The following SND1 variants were observed in gnomAD, a reference collection of about 807,000 sequenced individuals.
The protein encoded by SND1 is staphylococcal nuclease and tudor domain containing 1.
A neutral mutation model predicts 121.7 loss-of-function variants in SND1; 38 were observed. The ratio of observed to expected loss-of-function variants is 0.31; its 90% confidence interval spans 0.24 to 0.41. The LOEUF (loss-of-function observed/expected upper bound fraction) is 0.41. Ranked by LOEUF, SND1 falls within the 10% of genes least tolerant of loss-of-function variation. The pLI is 1.00. For synonymous variants in SND1, 401 were observed against 447.4 expected, an observed-to-expected ratio of 0.90 and a Z score of 1.31; for missense variants, 868 against 1,184.6, an observed-to-expected ratio of 0.73 and a Z score of 3.92.
At chr7:127,726,581 A>C (rs1796586681) in intron 10 of SND1, among the ~76,000 whole-genome samples, 1 of 152,210 alleles carries the variant, frequency 6.6e-6, no homozygotes, top group South Asian at 2.1e-4. Flanking sequence ...TTGCGATCTC[A>C]GGACTTCCTA....
chr7:128,074,436 C>T, intron 16 of SND1, 66 bp from the exon 17 acceptor site: 1 of 1,499,786 alleles, frequency 6.7e-7, no homozygotes, highest in South Asian at 1.3e-5. Context: ...CTGTCCTCCC[C>T]ACGGGCACAG....
Position 127,850,083 on chromosome 7 carries a change from A to G in SND1, c.1343+5659A>G, listed in dbSNP as rs17151437. 4.5e-3 allele frequency among the ~76,000 whole-genome samples: 686 copies of G among 152,312 alleles called. 7 individuals are homozygous for G. The highest frequency in any genetic ancestry group is 0.016 in the African/African-American group (654 of 41,562). ...TTGCTTTTGCTTTTTCTTTGGTTCT[A>G]ATTTGCAGGGATACTTTTTTTCTCC... is the stretch of plus-strand genomic sequence containing the variant. On this transcript the variant is annotated intron_variant, in intron 12 of 23. Transcript: ENST00000354725.
chr7:127,782,035 T>G (rs1462222333), intron 10 of SND1, among the ~76,000 whole-genome samples: 3 of 152,354 alleles, frequency 2.0e-5, no homozygotes, highest in Non-Finnish European at 2.9e-5. Flanking sequence ...GATCAAGCTG[T>G]AATATCTGAT....
intron 1 of SND1, among the ~76,000 whole-genome samples, chr7:127,679,516 A>G (rs1416069974): frequency 6.6e-6 from 1 of 152,154 alleles, no homozygotes; most frequent in Non-Finnish European, 1.5e-5. Flanking sequence ...TACTACAATC[A>G]TGTAACAATC....
intron 13 of SND1, among the ~76,000 whole-genome samples, chr7:127,898,017 G>T (rs1268996757): frequency 6.6e-6 from 1 of 152,004 alleles, no homozygotes; most frequent in African/African-American, 2.4e-5. Flanking sequence ...CTACTACCCA[G>T]CTCTAATAAT....
intron 16 of SND1, among the ~76,000 whole-genome samples, chr7:128,001,937 C>CA (rs966731607): frequency 3.0e-4 from 45 of 150,126 alleles, no homozygotes; most frequent in Admixed American, 7.9e-4. Flanking sequence ...ATCTCAAAAA[C>CA]AAAAAAAAAT....
chr7:127,786,691 T>A (rs925219892), intron 10 of SND1, among the ~76,000 whole-genome samples: 1 of 152,192 alleles, frequency 6.6e-6, no homozygotes, highest in Non-Finnish European at 1.5e-5. Flanking sequence ...TCGCCCAGGC[T>A]GGAGTGCAGT....
chr7:128,044,982 G>T (rs1403469334), intron 16 of SND1, among the ~76,000 whole-genome samples: 4 of 152,042 alleles, frequency 2.6e-5, no homozygotes, highest in African/African-American at 9.7e-5. Flanking sequence ...CAGATTACAG[G>T]GTCTGTCTGA....
intron 16 of SND1, among the ~76,000 whole-genome samples, chr7:127,995,452 A>G (rs943910619): frequency 5.3e-5 from 8 of 152,238 alleles, no homozygotes; most frequent in Non-Finnish European, 1.0e-4. Flanking sequence ...TATTACTAGC[A>G]TCCCCCAGAA....
At chr7:128,051,119 C>G (rs1394666468) in intron 16 of SND1, among the ~76,000 whole-genome samples, 1 of 152,204 alleles carries the variant, frequency 6.6e-6, no homozygotes, top group Admixed American at 6.5e-5. Context: ...TCCAGAGCTT[C>G]CCACAGCTTC....
Position 128,085,777 on chromosome 7 carries a change from C to T in SND1, c.2301C>T (p.Gly767=), listed in dbSNP as rs1384497426. 6.2e-7 allele frequency: 1 copy of T among 1,613,834 alleles called. No individual in the cohort carries two copies. Among genetic ancestry groups the T allele is most frequent in the East Asian group, 2.2e-5 (1 of 44,876 alleles). Residue 767 remains glycine, a synonymous_variant, in exon 20 of 24, where the codon GGC becomes GGT. Transcript: ENST00000354725. This position sits in a 1 kb window ranked among gnomAD's most constrained non-coding sequence, Gnocchi z 4.4. ...AKIHVFYIDY[G]NREVLPSTRL... ...TACATGTCTTCTACATTGACTACGG[C>T]AACGTGAGTGTTGGGGACCAGAGTG...
chr7:127,722,853 A>G (rs772956714), intron 10 of SND1, among the ~76,000 whole-genome samples: 5 of 152,120 alleles, frequency 3.3e-5, no homozygotes, highest in Non-Finnish European at 7.3e-5. Flanking sequence ...AGCAAACAGT[A>G]TTATGGTAAG....
intron 14 of SND1, among the ~76,000 whole-genome samples, chr7:127,905,931 A>G (rs1017440764): frequency 3.9e-5 from 6 of 152,162 alleles, no homozygotes; most frequent in African/African-American, 1.2e-4. Flanking sequence ...GGAGAGATGA[A>G]TCAGAGTGTA....
intron 1 of SND1, among the ~76,000 whole-genome samples, chr7:127,662,177 C>T (rs1378775769): frequency 6.6e-6 from 1 of 152,112 alleles, no homozygotes; most frequent in Non-Finnish European, 1.5e-5. Context: ...CATTCATTCT[C>T]ATCCTCCCAG....
intron 10 of SND1, among the ~76,000 whole-genome samples, chr7:127,743,370 T>C (rs1033260612): frequency 6.6e-6 from 1 of 152,234 alleles, no homozygotes; most frequent in African/African-American, 2.4e-5. Flanking sequence ...TGAAGGCTTC[T>C]CCTCAGGCAG....
rs117318249 is a variant in SND1, at chr7:127,751,928, C to T, written c.1152+30528C>T. On this transcript the variant is annotated intron_variant, in intron 10 of 23. Coordinates refer to ENST00000354725, the MANE Select transcript of SND1 (RefSeq NM_014390.4). ...AGCTGACTGCTCGCGGGAGCATTAC[C>T]TGGTGTGCAGCTGTTGCCTGAATCC... Among the ~76,000 whole-genome samples the T allele has an allele frequency of 5.3e-5, 8 of 152,340 alleles. No homozygotes were observed. The East Asian group carries it at 1.5e-3, about 29-fold the overall frequency.
chr7:127,708,084 C>T (rs1259994003), intron 9 of SND1, among the ~76,000 whole-genome samples: 1 of 152,074 alleles, frequency 6.6e-6, no homozygotes, highest in Non-Finnish European at 1.5e-5. Context: ...TTCTGTTTAT[C>T]ACTTTTGGTC....
chr7:128,079,377 C>T (rs1379912452), intron 17 of SND1, among the ~76,000 whole-genome samples: 1 of 152,392 alleles, frequency 6.6e-6, no homozygotes, highest in East Asian at 1.9e-4. Context: ...TGCTGCCTGC[C>T]TCCTCCCCTC....
chr7:128,074,615 C>T lies in SND1; in HGVS notation c.1893C>T (p.His631=), dbSNP rs773644126. 8 of 1,613,842 alleles carry T rather than the reference C, an allele frequency of 5.0e-6. No individual in the cohort carries two copies. Among genetic ancestry groups the T allele is most frequent in the Non-Finnish European group, 6.8e-6 (8 of 1,180,024 alleles). ...TGGAGCACGCGCTCTCCAAGGTCCA[C>T]TTCACCGCCGAACGCAGCTCCTACT... ...LLVEHALSKV[H]FTAERSSYYK... The change falls in exon 17 of 24, where the codon CAC becomes CAT. Residue 631 remains histidine, a synonymous_variant. Transcript: ENST00000354725.
Sources: allele counts gnomAD v4.1 joint callset (sites outside exome capture counted in the v4.1 genomes callset), GRCh38; gene constraint gnomAD v4.1.1; non-coding constraint Gnocchi (gnomAD v3.1); transcripts MANE v1.5; gene names NCBI Gene and HGNC (gene_info 2026-07-23, HGNC 2026-07-21).